The following CYYR1 variants were observed in gnomAD, a reference collection of about 807,000 sequenced individuals.
CYYR1 encodes the protein cysteine and tyrosine-rich protein 1.
A neutral mutation model predicts 15.2 loss-of-function variants in CYYR1; 14 were observed. That is an observed-to-expected ratio of 0.92 (90% CI 0.61 to 1.44). The LOEUF (loss-of-function observed/expected upper bound fraction) is 1.44. Ranked by LOEUF, CYYR1 falls within the 40% of genes most tolerant of loss-of-function variation. The pLI is 0.00. For synonymous variants in CYYR1, 80 were observed against 77.4 expected (o/e 1.03, Z -0.18); for missense variants, 228 against 209.5 (o/e 1.09, Z -0.54).
intron 2 of CYYR1, among the ~76,000 whole-genome samples, chr21:26,493,931 T>C (rs1232446042): frequency 6.6e-6 from 1 of 152,256 alleles, no homozygotes; most frequent in Non-Finnish European, 1.5e-5. Flanking sequence ...TTTGCTTTAC[T>C]TGTATTATCA....
In CYYR1 at chr21:26,510,895, C is replaced by T. The variant is rs531931686; in HGVS notation, c.177-30466G>A. On this transcript the variant is annotated intron_variant, in intron 2 of 3. Coordinates refer to ENST00000652641, the MANE Select transcript of CYYR1 (RefSeq NM_001320768.2). ...AATAACAAATCTAAACTTTTAAATA[C>T]ATTTAATACAAAATAGTCAAATATG... Among the ~76,000 whole-genome samples the T allele has an allele frequency of 4.6e-5, 7 of 152,200 alleles. No homozygotes were observed. The South Asian group carries it at 1.4e-3, about 32-fold the overall frequency.
intron 2 of CYYR1, among the ~76,000 whole-genome samples, chr21:26,494,449 A>G (rs985231205): frequency 2.0e-5 from 3 of 152,188 alleles, no homozygotes; most frequent in African/African-American, 4.8e-5. Context: ...GTCTGTGGAG[A>G]TGTAATAATT....
chr21:26,566,270 G>T lies in CYYR1; in HGVS notation c.172C>A (p.Leu58Ile), dbSNP rs770991970. 6.2e-7 allele frequency: 1 copy of T among 1,611,124 alleles called. No homozygotes were observed. Among genetic ancestry groups the T allele is most frequent in the East Asian group, 2.2e-5 (1 of 44,820 alleles). ...CSYYAYIGNI[L>I]SGTAIAGIVF... ...CCAAATCTGACGAATACTCACGAGA[G>T]GATATTCCCAATATAAGCGTAGTAG... Residue 58 changes from leucine (L) to isoleucine (I), a missense_variant, in exon 2 of 4, where the codon CTC becomes ATC. Leu to Ile is a conservative substitution (Grantham distance 5). Transcript: ENST00000652641.
Position 26,534,645 on chromosome 21 carries a change from T to A in CYYR1, c.176+31621A>T, listed in dbSNP as rs750971999. The stretch of plus-strand genomic sequence containing the variant: ...TAGACTGCCATGACTCTCATGGACA[T>A]CCTCTTCCTATACCTACTGTCTCTG... On this transcript the variant is annotated intron_variant, in intron 2 of 3. Transcript: ENST00000652641. Among the ~76,000 whole-genome samples, 13 of 152,278 alleles carry A rather than the reference T, an allele frequency of 8.5e-5. No homozygotes were observed. In the South Asian group the frequency reaches 2.7e-3, roughly 32 times the overall value.
intron 2 of CYYR1, among the ~76,000 whole-genome samples, chr21:26,527,482 A>G (rs531538043): frequency 6.6e-6 from 1 of 152,344 alleles, no homozygotes; most frequent in African/African-American, 2.4e-5. Context: ...AAAAAAATGC[A>G]GAATAGGCAG....
chr21:26,548,130 C>T (rs1229877317), intron 2 of CYYR1, among the ~76,000 whole-genome samples: 1 of 152,198 alleles, frequency 6.6e-6, no homozygotes. Flanking sequence ...GCTATTCAAT[C>T]ACTTCGATCA....
At chr21:26,500,065 G>A (rs1199175135) in intron 2 of CYYR1, among the ~76,000 whole-genome samples, 3 of 152,048 alleles carry the variant, frequency 2.0e-5, no homozygotes, top group African/African-American at 7.2e-5. Context: ...TTGGTTCTTG[G>A]TGAGGACCTA....
intron 2 of CYYR1, among the ~76,000 whole-genome samples, chr21:26,491,302 A>T (rs1169127013): frequency 1.3e-5 from 2 of 152,186 alleles, no homozygotes; most frequent in East Asian, 3.9e-4. Context: ...TGATTACTTT[A>T]GACAGGACTT....
rs1253371550 is a variant in CYYR1, at chr21:26,467,141, T to C, written c.*1360A>G. On this transcript the variant is annotated 3_prime_UTR_variant, in exon 4 of 4. Coordinates refer to ENST00000652641, the MANE Select transcript of CYYR1 (RefSeq NM_001320768.2). ...GATGATGATATTGGATTAAGCATTT[T>C]AGATTTAATTGTAAAATGACACAAA... The C allele has an allele frequency of 6.6e-6, 1 of 152,208 alleles. No individual in the cohort carries two copies. The highest frequency in any genetic ancestry group is 1.5e-5 in the Non-Finnish European group (1 of 68,026). 9.4% of individuals were successfully genotyped at this position (152,208 alleles called of 1,614,324 possible). A position where few individuals can be genotyped will look rare whatever the true frequency, so the allele number is the denominator to read the frequency against.
chr21:26,573,196 C>T lies in CYYR1; in HGVS notation c.-256G>A. The T allele has an allele frequency of 1.4e-6, 2 of 1,453,192 alleles. No individual in the cohort carries two copies. Among genetic ancestry groups the T allele is most frequent in the Non-Finnish European group, 1.8e-6 (2 of 1,098,392 alleles). The allele number at this position is 1,453,192 out of a possible 1,614,324, so 90.0% of individuals were successfully genotyped here. A position where few individuals can be genotyped will look rare whatever the true frequency, so the allele number is the denominator to read the frequency against. ...TGGGGGCCCAGGTCTCTTTGTCTCG[C>T]CCCACTGCGCTCAGGCGCGGGGAAG... On this transcript the variant is annotated 5_prime_UTR_variant, in exon 1 of 4. Transcript: ENST00000652641.
At chr21:26,500,220 G>T (rs1170497548) in intron 2 of CYYR1, among the ~76,000 whole-genome samples, 1 of 152,030 alleles carries the variant, frequency 6.6e-6, no homozygotes, top group African/African-American at 2.4e-5. Context: ...TCTGTTAAAG[G>T]CCCCACCATC....
intron 2 of CYYR1, among the ~76,000 whole-genome samples, chr21:26,530,505 C>T (rs977804364): frequency 1.2e-4 from 18 of 151,852 alleles, no homozygotes; most frequent in Admixed American, 9.9e-4. Flanking sequence ...GATACATGTG[C>T]AGAACGTGCA....
intron 2 of CYYR1, among the ~76,000 whole-genome samples, chr21:26,528,993 A>G (rs570267139): frequency 6.6e-6 from 1 of 152,374 alleles, no homozygotes; most frequent in South Asian, 2.1e-4. Context: ...GTCCATTATT[A>G]GAAGCAAACA....
intron 2 of CYYR1, among the ~76,000 whole-genome samples, chr21:26,528,148 T>A (rs1403568565): frequency 6.6e-6 from 1 of 152,214 alleles, no homozygotes. Flanking sequence ...AATAACATCA[T>A]TTTTGTTAAT....
At chr21:26,550,942 A>G (rs1475366676) in intron 2 of CYYR1, 2 of 152,564 alleles carry the variant, frequency 1.3e-5, no homozygotes, top group Non-Finnish European at 2.9e-5. Flanking sequence ...GGACTTTCAT[A>G]GCTACAGGGA....
intron 2 of CYYR1, among the ~76,000 whole-genome samples, chr21:26,531,184 T>G (rs145318099): frequency 7.2e-5 from 11 of 152,280 alleles, no homozygotes; most frequent in Non-Finnish European, 1.5e-4. Context: ...CAGGGACACC[T>G]CGTCGGATTG....
chr21:26,476,182 T>C (rs531438570), intron 3 of CYYR1, among the ~76,000 whole-genome samples: 95 of 152,254 alleles, frequency 6.2e-4, no homozygotes, highest in African/African-American at 2.2e-3. Context: ...AGTTGTTTTA[T>C]TGAATGTTCC....
intron 2 of CYYR1, among the ~76,000 whole-genome samples, chr21:26,559,766 A>G (rs1350478675): frequency 6.6e-6 from 1 of 152,160 alleles, no homozygotes; most frequent in Admixed American, 6.5e-5. Context: ...TCAAGTTTCC[A>G]TATATACGTC....
At chr21:26,567,888 G>A (rs1321828140) in intron 1 of CYYR1, 1 of 152,172 alleles carries the variant, frequency 6.6e-6, no homozygotes, top group African/African-American at 2.4e-5. Flanking sequence ...TAACAATTAT[G>A]CGTGGCTTTT....
Sources: allele counts gnomAD v4.1 joint callset (sites outside exome capture counted in the v4.1 genomes callset), GRCh38; gene constraint gnomAD v4.1.1; transcripts MANE v1.5; gene names NCBI Gene and HGNC (gene_info 2026-07-23, HGNC 2026-07-21).